Variants in FRMD3 observed in about 807,000 individuals in gnomAD.
The protein encoded by FRMD3 is FERM domain containing 3, also known as FERM domain-containing protein 3.
A neutral mutation model predicts 70.2 loss-of-function variants in FRMD3; 33 were observed. The ratio of observed to expected loss-of-function variants is 0.47; its 90% confidence interval spans 0.36 to 0.63. The LOEUF (loss-of-function observed/expected upper bound fraction) is 0.63. Ranked by LOEUF, FRMD3 falls within the 20% of genes least tolerant of loss-of-function variation. The pLI is 0.00. For missense variants in FRMD3, 632 were observed against 711.4 expected, an observed-to-expected ratio of 0.89 and a Z score of 1.27; for synonymous variants, 279 against 255.9, an observed-to-expected ratio of 1.09 and a Z score of -0.86.
At chr9:83,272,412 A>G (rs961199430) in intron 13 of FRMD3, among the ~76,000 whole-genome samples, 6 of 151,872 alleles carry the variant, frequency 4.0e-5, no homozygotes, top group Admixed American at 1.3e-4. Flanking sequence ...TCAGTGCTCA[A>G]TGTTGCCCAG....
chr9:83,446,602 G>C (rs1052363988), intron 1 of FRMD3, among the ~76,000 whole-genome samples: 32 of 144,022 alleles, frequency 2.2e-4, no homozygotes, highest in South Asian at 1.5e-3. Flanking sequence ...AGCCGAGATC[G>C]CGCCACTGCA....
At chr9:83,318,869 T>G (rs10867986) in intron 6 of FRMD3, among the ~76,000 whole-genome samples, 36,097 of 152,104 alleles carry the variant, frequency 0.24, 4,641 homozygotes, top group East Asian at 0.4. Context: ...TCTCTCATTG[T>G]GGTTTTAATT....
intron 6 of FRMD3, among the ~76,000 whole-genome samples, chr9:83,319,458 G>C (rs896835893): frequency 2.6e-5 from 4 of 152,130 alleles, no homozygotes; most frequent in African/African-American, 9.7e-5. Context: ...GTCTTGCTCT[G>C]TCACCCAGGC....
chr9:83,372,302 G>T (rs533256173), intron 3 of FRMD3, among the ~76,000 whole-genome samples: 7 of 151,732 alleles, frequency 4.6e-5, no homozygotes, highest in Admixed American at 2.6e-4. Context: ...TGACCAGGGG[G>T]TGCTAGAGAG....
chr9:83,311,789 C>T (rs2131053835), intron 8 of FRMD3, 98 bp downstream of exon 8: 2 of 830,624 alleles, frequency 2.4e-6, no homozygotes, highest in East Asian at 2.5e-5. Context: ...AAATGGATAC[C>T]AGGCATTCTA....
intron 4 of FRMD3, among the ~76,000 whole-genome samples, chr9:83,347,148 G>C (rs186060694): frequency 6.6e-6 from 1 of 152,258 alleles, no homozygotes; most frequent in Non-Finnish European, 1.5e-5. Context: ...AATCAATTTG[G>C]CAAGAGCTTC....
chr9:83,460,346 C>T (rs1271530733), intron 1 of FRMD3, among the ~76,000 whole-genome samples: 7 of 152,140 alleles, frequency 4.6e-5, no homozygotes, highest in African/African-American at 1.7e-4. Context: ...AATACTAATC[C>T]CTCTCCCCAA....
chr9:83,243,269 A>G, downstream of FRMD3: 1 of 1,531,624 alleles, frequency 6.5e-7, no homozygotes, highest in Non-Finnish European at 8.8e-7. Flanking sequence ...AGAGAAAAGA[A>G]GCAGGAGGAC....
chr9:83,547,085 C>T, the FRMD3 span, among the ~76,000 whole-genome samples: 1 of 151,118 alleles, frequency 6.6e-6, no homozygotes, highest in African/African-American at 2.4e-5. Flanking sequence ...AGATAAAACA[C>T]ACTTTAAATC....
the FRMD3 span, among the ~76,000 whole-genome samples, chr9:83,577,886 A>G: frequency 3.3e-5 from 5 of 151,966 alleles, no homozygotes; most frequent in Non-Finnish European, 5.9e-5. Context: ...AAAATTAATG[A>G]CAATAAGAGT....
In FRMD3 at chr9:83,538,011, C is replaced by T. The variant is rs1469600724; in HGVS notation, c.147+74G>A. ...CCTCCGGGAGTGGGTTCCTTGTTCT[C>T]GCATGCCCACCGCAAAGGCCCCCCG... On this transcript the variant is annotated intron_variant, in intron 1 of 13. Coordinates refer to ENST00000304195, the MANE Select transcript of FRMD3 (RefSeq NM_174938.6). This position sits in a 1 kb window ranked among gnomAD's most constrained non-coding sequence, Gnocchi z 4.7. 2.6e-6 allele frequency: 4 copies of T among 1,541,038 alleles called. No individual in the cohort carries two copies. Among genetic ancestry groups the T allele is most frequent in the Admixed American group, 3.5e-5 (2 of 57,270 alleles).
chr9:83,440,431 T>A (rs1827261430), intron 1 of FRMD3, among the ~76,000 whole-genome samples: 1 of 152,218 alleles, frequency 6.6e-6, no homozygotes, highest in Admixed American at 6.5e-5. Context: ...CTGTCACTTC[T>A]GGGCTCTGGA....
At chr9:83,294,036 T>C (rs954491198) in intron 12 of FRMD3, among the ~76,000 whole-genome samples, 4 of 152,216 alleles carry the variant, frequency 2.6e-5, no homozygotes, top group Admixed American at 2.6e-4. Flanking sequence ...TTCGCTATTG[T>C]GATGGCCTCA....
At chr9:83,390,089 CTT>C in intron 1 of FRMD3, among the ~76,000 whole-genome samples, 1 of 152,344 alleles carries the variant, frequency 6.6e-6, no homozygotes. Flanking sequence ...GGCCTAACTG[CTT>C]TTTCTAATTC....
At chr9:83,401,036 C>T (rs976492339) in intron 1 of FRMD3, among the ~76,000 whole-genome samples, 2 of 152,236 alleles carry the variant, frequency 1.3e-5, no homozygotes, top group African/African-American at 2.4e-5. Context: ...ATCACCTCCT[C>T]TTCTTCTCAG....
chr9:83,501,223 G>A (rs111852643), intron 1 of FRMD3, among the ~76,000 whole-genome samples: 1,867 of 152,196 alleles, frequency 0.012, 49 homozygotes, highest in African/African-American at 0.043. Context: ...GAACCCGGGA[G>A]GCGGAGCTTG....
Position 83,538,344 on chromosome 9 carries a change from G to A in FRMD3, c.-113C>T. The A allele has an allele frequency of 9.8e-7, 1 of 1,017,950 alleles. No individual in the cohort carries two copies. The highest frequency in any genetic ancestry group is 1.3e-6 in the Non-Finnish European group (1 of 789,152). The allele number at this position is 1,017,950 out of a possible 1,614,324, so 63.1% of individuals were successfully genotyped here. On this transcript the variant is annotated 5_prime_UTR_variant, in exon 1 of 14. Transcript: ENST00000304195. The surrounding 1 kb of genome is among the most constrained non-coding windows in gnomAD (Gnocchi z 4.7). ...GGACACCTGGGCGCGGCTCAGCCCC[G>A]GGACATCGGCAGCGTCGGGCGCCTG... is the stretch of plus-strand genomic sequence containing the variant.
the FRMD3 span, among the ~76,000 whole-genome samples, chr9:83,550,236 G>C: frequency 3.3e-5 from 5 of 152,064 alleles, no homozygotes; most frequent in Non-Finnish European, 5.9e-5. Context: ...TGTCAGCTTT[G>C]TCAAAGATCA....
chr9:83,481,056 TAGAA>T (rs1828557460), intron 1 of FRMD3, among the ~76,000 whole-genome samples: 1 of 152,154 alleles, frequency 6.6e-6, no homozygotes, highest in Admixed American at 6.6e-5. Context: ...GAAAATTAAA[TAGAA>T]AGAAAAGCAA....
Sources: gnomAD v4.1 joint callset for allele counts (sites outside exome capture counted in the v4.1 genomes callset) on GRCh38, gnomAD v4.1.1 for gene constraint, Gnocchi (gnomAD v3.1) non-coding constraint, MANE v1.5 for transcripts, NCBI Gene and HGNC (gene_info 2026-07-23, HGNC 2026-07-21) for gene names.